Variants in C3orf49 observed in about 807,000 individuals in gnomAD.
The protein encoded by C3orf49 is chromosome 3 open reading frame 49.
Under a neutral mutation model 13.3 loss-of-function variants are expected in C3orf49, and 27 were observed. The ratio of observed to expected loss-of-function variants is 2.02; its 90% CI spans 1.49 to 2.79. The LOEUF (loss-of-function observed/expected upper bound fraction) is 2.79, where lower values mean the gene tolerates loss of function less well. Ranked by LOEUF, C3orf49 falls within the 30% of genes most tolerant of loss-of-function variation. The pLI is 0.00. For synonymous variants in C3orf49, 87 were observed against 47.6 expected (o/e 1.83, Z -3.40); for missense variants, 242 against 134.2 (o/e 1.80, Z -3.97).
intron 2 of C3orf49, among the ~76,000 whole-genome samples, chr3:63,823,775 TG>T (rs1701430232): frequency 7.7e-6 from 1 of 130,232 alleles, no homozygotes; most frequent in African/African-American, 2.9e-5. Flanking sequence ...GTTGTGTGTG[TG>T]TGTGTGTGTG....
At chr3:63,821,386 A>C (rs1701391796) in intron 1 of C3orf49, among the ~76,000 whole-genome samples, 1 of 152,322 alleles carries the variant, frequency 6.6e-6, no homozygotes, top group African/African-American at 2.4e-5. Flanking sequence ...AATTTGTTTT[A>C]ATCCATATTA....
Position 63,819,523 on chromosome 3 carries a change from A to G in C3orf49, c.52A>G (p.Lys18Glu), listed in dbSNP as rs2107091182. 4.3e-6 allele frequency: 3 copies of G among 703,214 alleles called. No individual in the cohort carries two copies. Among genetic ancestry groups the G allele is most frequent in the Middle Eastern group, 4.6e-4 (2 of 4,372 alleles). 43.6% of individuals were successfully genotyped at this position (703,214 alleles called of 1,614,324 possible). ...LPEPFKIAYR[K>E]VGQCRRFQQL... ...AGAACCCTTTAAGATTGCCTACAGA[A>G]AAGTTGGACAGTGCCGAAGATTCCA... The change falls in exon 1 of 7, where the codon AAA becomes GAA. Residue 18 changes from lysine (K) to glutamate (E), a missense_variant. Lys to Glu is a moderately conservative substitution (Grantham distance 56). Coordinates refer to ENST00000295896, the MANE Select transcript of C3orf49 (RefSeq NM_001355236.2).
At chr3:63,789,217 G>A in the C3orf49 span, among the ~76,000 whole-genome samples, 2 of 152,110 alleles carry the variant, frequency 1.3e-5, no homozygotes, top group African/African-American at 4.8e-5. Flanking sequence ...TAGGCTGCAC[G>A]CTCTTTATGA....
chr3:63,821,714 A>G (rs927820196), intron 1 of C3orf49, among the ~76,000 whole-genome samples: 1 of 152,142 alleles, frequency 6.6e-6, no homozygotes, highest in Non-Finnish European at 1.5e-5. Flanking sequence ...TACATGATGT[A>G]TATTTCCATT....
In C3orf49 at chr3:63,833,956, C is replaced by G. The variant is rs1025491860; in HGVS notation, c.849+2112C>G. On this transcript the variant is annotated intron_variant, in intron 5 of 6. Transcript: ENST00000295896. ...AAAATGCATTTTAATAAAAACAAAT[C>G]TATACTGAAGTCATTTTCCTTTGTG... The G allele has an allele frequency of 2.6e-5, 15 of 566,380 alleles. No homozygotes were observed. The African/African-American group carries it at 2.9e-4, about 11-fold the overall frequency. 35.1% of individuals were successfully genotyped at this position (566,380 alleles called of 1,614,324 possible).
chr3:63,834,088 G>T, intron 5 of C3orf49: 1 of 1,593,220 alleles, frequency 6.3e-7, no homozygotes. Context: ...TTATGGTCAT[G>T]TAGCTATTTC....
At chr3:63,826,540 A>G (rs1559599193) in intron 2 of C3orf49, among the ~76,000 whole-genome samples, 1 of 152,174 alleles carries the variant, frequency 6.6e-6, no homozygotes, top group East Asian at 1.9e-4. Flanking sequence ...GGATTGAAAA[A>G]TAAGTCATGA....
At chr3:63,786,804 G>C in the C3orf49 span, among the ~76,000 whole-genome samples, 1 of 152,164 alleles carries the variant, frequency 6.6e-6, no homozygotes, top group Non-Finnish European at 1.5e-5. Flanking sequence ...CAAGTGGCTT[G>C]TCCCCAGTTT....
chr3:63,795,297 AG>A, the C3orf49 span, among the ~76,000 whole-genome samples: 2 of 152,162 alleles, frequency 1.3e-5, no homozygotes, highest in South Asian at 4.1e-4. Context: ...GGAAACGTCT[AG>A]GGGGTATTTG....
chr3:63,802,881 A>AAC, the C3orf49 span, among the ~76,000 whole-genome samples: 5 of 151,924 alleles, frequency 3.3e-5, no homozygotes, highest in Non-Finnish European at 5.9e-5. Flanking sequence ...CACACACAGA[A>AAC]ACACACACAC....
At chr3:63,846,256 C>T (rs1459156234) in intron 6 of C3orf49, 4 of 443,248 alleles carry the variant, frequency 9.0e-6, no homozygotes, top group Non-Finnish European at 1.4e-5. Flanking sequence ...ATAAGAGAAT[C>T]GTCTGAAAAA....
the C3orf49 span, among the ~76,000 whole-genome samples, chr3:63,794,076 G>T: frequency 6.6e-6 from 1 of 151,976 alleles, no homozygotes; most frequent in Non-Finnish European, 1.5e-5. Context: ...GATCACCTGA[G>T]CCTGGGAGGT....
the C3orf49 span, chr3:63,782,338 AC>A: frequency 6.6e-6 from 1 of 152,030 alleles, no homozygotes; most frequent in Non-Finnish European, 1.5e-5. Flanking sequence ...CTCAAAAAAA[AC>A]AAACAAACAT....
chr3:63,827,773 T>C lies in C3orf49; in HGVS notation c.570+48T>C, dbSNP rs1310779704. ...CTCTGAAGACTTACACATAACTCAA[T>C]GTCTAGAGATTTTGCAAAAACCAAG... On this transcript the variant is annotated intron_variant, in intron 3 of 6. Transcript: ENST00000295896. 8 of 688,006 alleles carry C rather than the reference T, an allele frequency of 1.2e-5. No individual in the cohort carries two copies. The South Asian group carries it at 1.2e-4, about 10-fold the overall frequency. 42.6% of individuals were successfully genotyped at this position (688,006 alleles called of 1,614,324 possible).
the C3orf49 span, among the ~76,000 whole-genome samples, chr3:63,784,290 C>T: frequency 1.3e-5 from 2 of 152,168 alleles, no homozygotes; most frequent in Non-Finnish European, 2.9e-5. Flanking sequence ...CCATTATTAA[C>T]AAATCTGGGG....
chr3:63,813,416 G>A, the C3orf49 span, among the ~76,000 whole-genome samples: 1 of 152,170 alleles, frequency 6.6e-6, no homozygotes, highest in African/African-American at 2.4e-5. Context: ...ACAGCCCAGA[G>A]CACTGGGCAA....
chr3:63,796,728 A>G, the C3orf49 span, among the ~76,000 whole-genome samples: 2 of 152,162 alleles, frequency 1.3e-5, no homozygotes, highest in Non-Finnish European at 2.9e-5. Context: ...CATTTCACTT[A>G]CGCACTTGAT....
At chr3:63,802,034 T>C in the C3orf49 span, among the ~76,000 whole-genome samples, 1 of 152,246 alleles carries the variant, frequency 6.6e-6, no homozygotes, top group Non-Finnish European at 1.5e-5. Context: ...GGCAGATTAC[T>C]TCCATCCAGG....
the C3orf49 span, among the ~76,000 whole-genome samples, chr3:63,791,279 A>T: frequency 6.6e-6 from 1 of 152,326 alleles, no homozygotes. Flanking sequence ...GTTTGGCTGA[A>T]TCATACTAGA....
Sources: allele counts gnomAD v4.1 joint callset (sites outside exome capture counted in the v4.1 genomes callset), GRCh38; gene constraint gnomAD v4.1.1; transcripts MANE v1.5; gene names NCBI Gene and HGNC (gene_info 2026-07-23, HGNC 2026-07-21).